Variants in LTBP1 observed in about 807,000 individuals in gnomAD.
The protein encoded by LTBP1 is latent-transforming growth factor beta-binding protein 1.
LTBP1 carries 129 observed loss-of-function variants against 207.6 expected under a neutral mutation model. The observed-to-expected ratio is 0.62, with a 90% CI of 0.54 to 0.72. The LOEUF is 0.72. Among genes scored for constraint, LTBP1 ranks in the 30% least tolerant of loss-of-function variants. The pLI, the probability that LTBP1 is intolerant of heterozygous loss-of-function variation, is 0.00. For missense variants in LTBP1, 2,281 were observed against 2,217.2 expected, an observed-to-expected ratio of 1.03 and a Z score of -0.58; for synonymous variants, 963 against 833.7, an observed-to-expected ratio of 1.16 and a Z score of -2.67.
chr2:33,274,933 A>T, intron 16 of LTBP1, 32 bp from the exon 17 acceptor site: 1 of 1,608,938 alleles, frequency 6.2e-7, no homozygotes, highest in Non-Finnish European at 8.5e-7. Flanking sequence ...GCTACACAGA[A>T]CTAATATTTT....
At chr2:33,176,949 T>A (rs576076244) in intron 5 of LTBP1, among the ~76,000 whole-genome samples, 47 of 152,366 alleles carry the variant, frequency 3.1e-4, no homozygotes, top group African/African-American at 1.1e-3. Flanking sequence ...TGCTGAGTTC[T>A]GTGTACTGTG....
intron 24 of LTBP1, 94 bp from the exon 25 acceptor site, chr2:33,342,744 C>G: frequency 8.2e-7 from 1 of 1,225,888 alleles, no homozygotes; most frequent in Non-Finnish European, 1.2e-6. Flanking sequence ...ACACACTAAT[C>G]AGGATGTGTT....
chr2:33,143,116 C>A (rs1013751282), intron 5 of LTBP1, among the ~76,000 whole-genome samples: 1 of 152,176 alleles, frequency 6.6e-6, no homozygotes. Context: ...TCTTGTGCTC[C>A]TGTGTCTCTG....
rs534863663 is a variant in LTBP1, at chr2:33,227,022, C to T, written c.1876+4871C>T. On this transcript the variant is annotated intron_variant, in intron 9 of 33. Coordinates refer to ENST00000404816, the MANE Select transcript of LTBP1 (RefSeq NM_206943.4). ...TTGGCTTTTTACCAATATGTTTTTGCATCATTTTACCTTTTTTTTTTGTCT... is the reference window on the plus strand; with the variant it reads ...TTGGCTTTTTACCAATATGTTTTTGTATCATTTTACCTTTTTTTTTTGTCT... 9.2e-5 allele frequency among the ~76,000 whole-genome samples: 14 copies of T among 151,642 alleles called. No homozygotes were observed. In the South Asian group the frequency reaches 2.9e-3, roughly 32 times the overall value.
intron 15 of LTBP1, among the ~76,000 whole-genome samples, chr2:33,270,383 A>T (rs1216899969): frequency 2.6e-5 from 4 of 151,874 alleles, no homozygotes; most frequent in Admixed American, 2.6e-4. Flanking sequence ...AGGTCAAGAG[A>T]TGGAGACCAT....
intron 24 of LTBP1, among the ~76,000 whole-genome samples, chr2:33,330,446 A>T (rs1377564614): frequency 6.6e-6 from 1 of 151,444 alleles, no homozygotes; most frequent in Non-Finnish European, 1.5e-5. Flanking sequence ...TCCTGATATC[A>T]GCAGCAAAGA....
At chr2:33,108,075 A>G (rs952997758) in intron 3 of LTBP1, among the ~76,000 whole-genome samples, 6 of 152,252 alleles carry the variant, frequency 3.9e-5, no homozygotes, top group Non-Finnish European at 8.8e-5. Context: ...ATGAAATTAG[A>G]GGAAACAGTG....
intron 22 of LTBP1, among the ~76,000 whole-genome samples, chr2:33,303,711 A>G (rs1358988853): frequency 6.6e-6 from 1 of 152,112 alleles, no homozygotes; most frequent in African/African-American, 2.4e-5. Context: ...GCTGTTCACA[A>G]GAGGGTTCGC....
intron 22 of LTBP1, 95 bp from the exon 23 acceptor site, chr2:33,309,339 G>A (rs2094146809): frequency 1.4e-5 from 9 of 661,942 alleles, no homozygotes; most frequent in South Asian, 6.4e-5. Flanking sequence ...TATTATAAAT[G>A]ATGTAAAATA....
intron 9 of LTBP1, among the ~76,000 whole-genome samples, chr2:33,231,311 T>C (rs2091773681): frequency 6.6e-6 from 1 of 152,200 alleles, no homozygotes; most frequent in African/African-American, 2.4e-5. Context: ...AACCGATACA[T>C]TGAGGCACAA....
chr2:33,154,119 A>T (rs2083760689), intron 5 of LTBP1, among the ~76,000 whole-genome samples: 1 of 152,186 alleles, frequency 6.6e-6, no homozygotes. Context: ...ATTAAACTGT[A>T]TTAAATTTTG....
chr2:33,102,568 C>A (rs938028147), intron 3 of LTBP1, among the ~76,000 whole-genome samples: 1 of 152,088 alleles, frequency 6.6e-6, no homozygotes, highest in Non-Finnish European at 1.5e-5. Flanking sequence ...TTCTCAATCC[C>A]TTTTGTCTCT....
intron 18 of LTBP1, among the ~76,000 whole-genome samples, chr2:33,276,997 G>C (rs1486496347): frequency 6.6e-6 from 1 of 152,184 alleles, no homozygotes; most frequent in Non-Finnish European, 1.5e-5. Flanking sequence ...CGGGAGCATG[G>C]TGCTGGTTCC....
intron 5 of LTBP1, among the ~76,000 whole-genome samples, chr2:33,152,671 T>C (rs1364226555): frequency 1.3e-5 from 2 of 152,228 alleles, no homozygotes; most frequent in Non-Finnish European, 2.9e-5. Flanking sequence ...TCTCATAGTT[T>C]TGATTTGCAT....
rs140023179 is a variant in LTBP1, at chr2:33,020,063, A to G, written c.566-846A>G. On this transcript the variant is annotated intron_variant, in intron 2 of 33. Coordinates refer to ENST00000404816, the MANE Select transcript of LTBP1 (RefSeq NM_206943.4). ...TCAGGAGTGTGGTGATTCAGAGTACATACATCCTTGCAAATAGGAGATGAA... is the reference window on the plus strand; with the variant it reads ...TCAGGAGTGTGGTGATTCAGAGTACGTACATCCTTGCAAATAGGAGATGAA... Among the ~76,000 whole-genome samples, 46 of 152,222 alleles carry G rather than the reference A, an allele frequency of 3.0e-4. No homozygotes were observed. In the East Asian group the frequency reaches 6.6e-3, roughly 22 times the overall value.
intron 31 of LTBP1, among the ~76,000 whole-genome samples, chr2:33,371,616 T>C (rs371678085): frequency 5.3e-5 from 8 of 152,306 alleles, no homozygotes; most frequent in Middle Eastern, 3.4e-3. Flanking sequence ...TGGAGTTTAT[T>C]GGATATAGAT....
At chr2:33,241,416 A>G (rs12468769) in intron 9 of LTBP1, among the ~76,000 whole-genome samples, 85,830 of 152,094 alleles carry the variant, frequency 0.56, 25,062 homozygotes, top group Non-Finnish European at 0.64. Context: ...TCAAGGCAGT[A>G]AGCAGTGTGG....
chr2:33,026,027 A>T (rs1218536929), intron 3 of LTBP1, among the ~76,000 whole-genome samples: 2 of 152,138 alleles, frequency 1.3e-5, no homozygotes, highest in Admixed American at 1.3e-4. Context: ...AATAAAACGT[A>T]AGCTCATTCT....
intron 3 of LTBP1, among the ~76,000 whole-genome samples, chr2:33,101,686 A>G (rs1024179334): frequency 5.3e-5 from 8 of 152,062 alleles, no homozygotes; most frequent in Admixed American, 1.3e-4. Flanking sequence ...TTTGGATTGT[A>G]TTAGTTAGGT....
Sources: gnomAD v4.1 joint callset for allele counts (sites outside exome capture counted in the v4.1 genomes callset) on GRCh38, gnomAD v4.1.1 for gene constraint, MANE v1.5 for transcripts, NCBI Gene and HGNC (gene_info 2026-07-23, HGNC 2026-07-21) for gene names.